Variants in MYO9A observed in about 807,000 individuals in gnomAD.
The protein encoded by MYO9A is unconventional myosin-IXa.
In MYO9A, 103 loss-of-function variants were observed where a neutral mutation model predicts 293.3. The ratio of observed to expected loss-of-function variants is 0.35; its 90% CI spans 0.30 to 0.41. The LOEUF (loss-of-function observed/expected upper bound fraction) is 0.41, where lower values mean the gene tolerates loss of function less well. Ranked by LOEUF, MYO9A falls within the 10% of genes least tolerant of loss-of-function variation. The pLI, the probability that MYO9A is intolerant of heterozygous loss-of-function variation, is 1.00. For synonymous variants in MYO9A, 1,001 were observed against 1,035.7 expected (o/e 0.97, Z 0.64); for missense variants, 2,685 against 3,033.0 (o/e 0.89, Z 2.69).
At chr15:72,028,222 TATATATATATATATATAA>T (rs1393989006) in intron 3 of MYO9A, among the ~76,000 whole-genome samples, 6 of 141,750 alleles carry the variant, frequency 4.2e-5, no homozygotes, top group Admixed American at 1.4e-4. Flanking sequence ...TAAATAAATA[TATATATATATATATATAA>T]ATATATATAT....
intron 41 of MYO9A, 79 bp from the exon 42 acceptor site, chr15:71,827,122 G>A: frequency 9.2e-7 from 1 of 1,090,882 alleles, no homozygotes. Context: ...AGATGCCACT[G>A]TTCACACATG....
chr15:71,981,682 C>T (rs1176627135), intron 11 of MYO9A, among the ~76,000 whole-genome samples: 1 of 147,912 alleles, frequency 6.8e-6, no homozygotes, highest in Non-Finnish European at 1.5e-5. Context: ...AGATGAATTC[C>T]TTGAGGGGTT....
Position 71,826,361 on chromosome 15 carries a change from C to CAAAT in MYO9A, c.*215_*218dup, listed in dbSNP as rs1161356188. ...GCTTTGTATAGTAAAAATCTCAATT[C>CAAAT]AAATACAACAGCCAAGGCACAGCTG... On this transcript the variant is annotated 3_prime_UTR_variant, in exon 42 of 42. Coordinates refer to ENST00000356056, the MANE Select transcript of MYO9A (RefSeq NM_006901.4). The CAAAT allele has an allele frequency of 1.9e-6, 1 of 526,186 alleles. No individual in the cohort carries two copies. The highest frequency in any genetic ancestry group is 3.3e-6 in the Non-Finnish European group (1 of 306,902). 32.6% of individuals were successfully genotyped at this position (526,186 alleles called of 1,614,324 possible).
intron 39 of MYO9A, among the ~76,000 whole-genome samples, chr15:71,842,620 G>A (rs1404615899): frequency 2.0e-5 from 3 of 152,038 alleles, no homozygotes; most frequent in African/African-American, 7.2e-5. Context: ...AGCATTTTGG[G>A]AGGCTGAGAC....
chr15:72,011,569 C>A (rs1476436425), intron 6 of MYO9A, among the ~76,000 whole-genome samples: 1 of 151,450 alleles, frequency 6.6e-6, no homozygotes. Flanking sequence ...TGAGACCAGC[C>A]TGGGCAACAC....
At chr15:71,914,106 TCTC>T (rs1245472278) in intron 19 of MYO9A, among the ~76,000 whole-genome samples, 4 of 152,088 alleles carry the variant, frequency 2.6e-5, no homozygotes, top group African/African-American at 7.2e-5. Flanking sequence ...ACAATTTCCT[TCTC>T]CTCTTTACTC....
At chr15:71,906,437 C>T (rs1381210873) in intron 19 of MYO9A, among the ~76,000 whole-genome samples, 2 of 152,054 alleles carry the variant, frequency 1.3e-5, no homozygotes, top group African/African-American at 4.8e-5. Flanking sequence ...GCAGATTTGT[C>T]CATTTTTCTT....
chr15:71,900,081 A>C (rs1461588388), intron 23 of MYO9A, 75 bp from the exon 24 acceptor site: 1 of 1,363,840 alleles, frequency 7.3e-7, no homozygotes, highest in Non-Finnish European at 9.9e-7. Flanking sequence ...AAAGAGAATA[A>C]ATTTCTTATG....
chr15:71,900,564 G>T (rs2057455703), intron 23 of MYO9A, among the ~76,000 whole-genome samples: 1 of 152,110 alleles, frequency 6.6e-6, no homozygotes. Flanking sequence ...ATATAACCTT[G>T]AAGAAGTTAA....
chr15:71,931,870 T>C (rs2058484576), intron 18 of MYO9A, among the ~76,000 whole-genome samples: 1 of 152,188 alleles, frequency 6.6e-6, no homozygotes, highest in South Asian at 2.1e-4. Context: ...CCAGAAATTC[T>C]AGGGTACCTC....
At chr15:71,847,532 A>G (rs558171016) in intron 39 of MYO9A, 1 of 416,264 alleles carries the variant, frequency 2.4e-6, no homozygotes, top group East Asian at 7.3e-5. Flanking sequence ...TTGCCTCATT[A>G]AAAGAGAAGG....
intron 1 of MYO9A, among the ~76,000 whole-genome samples, chr15:72,107,453 G>T (rs1248754373): frequency 6.6e-6 from 1 of 152,166 alleles, no homozygotes; most frequent in Non-Finnish European, 1.5e-5. Flanking sequence ...AGAGGCTGAG[G>T]CAGGAGAATC....
At chr15:71,916,555 A>G in intron 18 of MYO9A, 63 bp from the exon 19 acceptor site, 4 of 1,524,592 alleles carry the variant, frequency 2.6e-6, no homozygotes, top group Admixed American at 2.0e-5. Flanking sequence ...CAAAATTCTC[A>G]GCCAGTTTTC....
chr15:71,925,234 CAT>C (rs936211476), intron 18 of MYO9A, among the ~76,000 whole-genome samples: 1 of 50,648 alleles, frequency 2.0e-5, no homozygotes, highest in African/African-American at 6.7e-5. Context: ...CATATATACA[CAT>C]ATATATACAT....
chr15:71,956,330 A>AAAAAATATAT (rs10642655), intron 14 of MYO9A, among the ~76,000 whole-genome samples: 4 of 75,582 alleles, frequency 5.3e-5, no homozygotes, highest in African/African-American at 2.4e-4. Context: ...AAAAAAAAAA[A>AAAAAATATAT]ATATATATAT....
At chr15:71,906,758 C>CTTTCTTTCTTTTTTTTTTTTTTCTT (rs765264146) in intron 19 of MYO9A, among the ~76,000 whole-genome samples, 1 of 61,012 alleles carries the variant, frequency 1.6e-5, no homozygotes, top group African/African-American at 6.4e-5. Context: ...CCATTTCTTT[C>CTTTCTTTCTTTTTTTTTTTTTTCTT]TTTTTTTTTT....
chr15:71,849,943 A>ATGAACCCATTCACTATTTTT, intron 38 of MYO9A, 93 bp downstream of exon 38: 1 of 1,486,580 alleles, frequency 6.7e-7, no homozygotes, highest in Non-Finnish European at 9.3e-7. Context: ...ACCTGAATTT[A>ATGAACCCATTCACTATTTTT]TGAACCCATT....
At chr15:72,058,406 C>A (rs920892285) in intron 1 of MYO9A, among the ~76,000 whole-genome samples, 2 of 151,668 alleles carry the variant, frequency 1.3e-5, no homozygotes, top group African/African-American at 4.8e-5. Context: ...AATTCTTAGA[C>A]AAAAATAAAC....
intron 11 of MYO9A, 147 bp from the exon 12 acceptor site, chr15:71,978,439 T>C (rs898424739): frequency 2.7e-5 from 18 of 670,466 alleles, no homozygotes; most frequent in African/African-American, 1.7e-4. Flanking sequence ...TAATTTCAGT[T>C]GTACAAATCT....
Sources: allele counts gnomAD v4.1 joint callset (sites outside exome capture counted in the v4.1 genomes callset), GRCh38; gene constraint gnomAD v4.1.1; transcripts MANE v1.5; gene names NCBI Gene and HGNC (gene_info 2026-07-23, HGNC 2026-07-21).